RAB20: variants seen among roughly 807,000 people sequenced by gnomAD.
RAB20 encodes RAB20, member RAS oncogene family, also known as ras-related protein Rab-20.
Under a neutral mutation model 3.7 loss-of-function variants are expected in RAB20, and 2 were observed. The observed-to-expected ratio is 0.54, with a 90% confidence interval of 0.22 to 1.69. The LOEUF (loss-of-function observed/expected upper bound fraction) is 1.69. Ranked by LOEUF, RAB20 falls within the 40% of genes most tolerant of loss-of-function variation. The probability of loss-of-function intolerance (pLI) is 0.19; values close to 1 mark genes in which losing one functional copy is unlikely to be tolerated. For synonymous variants in RAB20, 126 were observed against 130.8 expected, an observed-to-expected ratio of 0.96 and a Z score of 0.25; for missense variants, 276 against 311.9, an observed-to-expected ratio of 0.88 and a Z score of 0.87.
intron 1 of RAB20, among the ~76,000 whole-genome samples, chr13:110,551,127 G>A (rs930015496): frequency 6.6e-6 from 1 of 152,122 alleles, no homozygotes; most frequent in Non-Finnish European, 1.5e-5. Flanking sequence ...ATATCACAGA[G>A]CAAAACATTA....
At chr13:110,548,376 C>T (rs943078365) in intron 1 of RAB20, among the ~76,000 whole-genome samples, 1 of 151,788 alleles carries the variant, frequency 6.6e-6, no homozygotes, top group Non-Finnish European at 1.5e-5. Context: ...CCCAGCTTCT[C>T]GGGAGGCTGA....
intron 1 of RAB20, among the ~76,000 whole-genome samples, chr13:110,527,344 C>T (rs1306758153): frequency 6.6e-6 from 1 of 151,968 alleles, no homozygotes; most frequent in Non-Finnish European, 1.5e-5. Context: ...CTGTGGTCTC[C>T]CAGGCCCCGA....
chr13:110,554,104 G>A (rs545977381), intron 1 of RAB20, among the ~76,000 whole-genome samples: 11 of 152,232 alleles, frequency 7.2e-5, no homozygotes, highest in East Asian at 1.9e-4. Context: ...AACAGACCAA[G>A]ACCTTGTCTC....
chr13:110,553,782 A>C (rs1283765007), intron 1 of RAB20, among the ~76,000 whole-genome samples: 2 of 152,192 alleles, frequency 1.3e-5, no homozygotes, highest in Non-Finnish European at 2.9e-5. Flanking sequence ...CTCCCGACTG[A>C]GGCTAAAATA....
In RAB20 at chr13:110,561,722, C is replaced by G; in HGVS notation, c.-203G>C. On this transcript the variant is annotated 5_prime_UTR_variant, in exon 1 of 2. Transcript: ENST00000267328. ...GCCCGGGAAGGAGCTGGGTGCAGAGCACGGAGCCCACGTCGGGGGCCCGGA... is the reference window on the plus strand; with the variant it reads ...GCCCGGGAAGGAGCTGGGTGCAGAGGACGGAGCCCACGTCGGGGGCCCGGA... 1 of 837,658 alleles carries G rather than the reference C, an allele frequency of 1.2e-6. No homozygotes were observed. The highest frequency in any genetic ancestry group is 1.6e-6 in the Non-Finnish European group (1 of 629,780). The allele number at this position is 837,658 out of a possible 1,614,324, so 51.9% of individuals were successfully genotyped here. A position where few individuals can be genotyped will look rare whatever the true frequency, so the allele number is the denominator to read the frequency against.
At chr13:110,551,424 G>C (rs982786466) in intron 1 of RAB20, among the ~76,000 whole-genome samples, 4 of 152,220 alleles carry the variant, frequency 2.6e-5, no homozygotes, top group African/African-American at 9.6e-5. Context: ...TCGTACATCA[G>C]GGCTCAAGTG....
intron 1 of RAB20, among the ~76,000 whole-genome samples, chr13:110,543,569 T>C (rs1884801966): frequency 6.6e-6 from 1 of 152,240 alleles, no homozygotes; most frequent in Admixed American, 6.5e-5. Context: ...CTCTTTATTC[T>C]GTTGGTTGTT....
chr13:110,548,923 C>T (rs1884901327), intron 1 of RAB20, among the ~76,000 whole-genome samples: 1 of 152,176 alleles, frequency 6.6e-6, no homozygotes, highest in African/African-American at 2.4e-5. Context: ...TGATAAATGC[C>T]TGCTGCTCTC....
chr13:110,560,788 A>G (rs977781803), intron 1 of RAB20, among the ~76,000 whole-genome samples: 1 of 151,892 alleles, frequency 6.6e-6, no homozygotes, highest in Non-Finnish European at 1.5e-5. Flanking sequence ...AACCCATATG[A>G]CGTATCTGAG....
At chr13:110,559,659 C>T (rs1381906461) in intron 1 of RAB20, among the ~76,000 whole-genome samples, 1 of 152,202 alleles carries the variant, frequency 6.6e-6, no homozygotes, top group Non-Finnish European at 1.5e-5. Context: ...GCAGCAGCCT[C>T]GGATGCCAGG....
At chr13:110,539,184 CAATT>C (rs1884709207) in intron 1 of RAB20, among the ~76,000 whole-genome samples, 1 of 152,072 alleles carries the variant, frequency 6.6e-6, no homozygotes, top group East Asian at 1.9e-4. Context: ...TAGTCTATGA[CAATT>C]AAAGGGCATT....
intron 1 of RAB20, among the ~76,000 whole-genome samples, chr13:110,535,036 G>A (rs1258384674): frequency 1.3e-5 from 2 of 152,072 alleles, no homozygotes; most frequent in Admixed American, 1.3e-4. Flanking sequence ...GTCTCACTAA[G>A]TTGCCCAGCC....
At position 110,555,912 on chromosome 13, in the gene RAB20, T is replaced by A. The variant is rs1885030934; in HGVS notation, c.172+5436A>T. 6.6e-6 allele frequency among the ~76,000 whole-genome samples: 1 copy of A among 152,174 alleles called. No homozygotes were observed. The highest frequency in any genetic ancestry group is 2.4e-5 in the African/African-American group (1 of 41,458). On this transcript the variant is annotated intron_variant, in intron 1 of 1. Transcript: ENST00000267328. The surrounding 1 kb of genome is among the most constrained non-coding windows in gnomAD (Gnocchi z 4.0). ...CCCAGCTGAGCCTCCCTCCTCCCTT[T>A]GTAACATGCCTGCTGGTGTAACCTC...
At chr13:110,558,326 T>A (rs1594141153) in intron 1 of RAB20, among the ~76,000 whole-genome samples, 1 of 151,228 alleles carries the variant, frequency 6.6e-6, no homozygotes, top group Non-Finnish European at 1.5e-5. Context: ...ACAAGGTGAG[T>A]TGGAGTTGGA....
At chr13:110,547,164 C>G (rs573480479) in intron 1 of RAB20, among the ~76,000 whole-genome samples, 23 of 152,330 alleles carry the variant, frequency 1.5e-4, no homozygotes, top group Middle Eastern at 3.4e-3. Flanking sequence ...TCACAGCGGT[C>G]TACACGGCGC....
intron 1 of RAB20, among the ~76,000 whole-genome samples, chr13:110,547,612 T>C (rs1168544848): frequency 6.6e-6 from 1 of 152,184 alleles, no homozygotes; most frequent in African/African-American, 2.4e-5. Context: ...TGAGATTAAG[T>C]GCATAAATCC....
chr13:110,531,433 G>A (rs548167152), intron 1 of RAB20, among the ~76,000 whole-genome samples: 61 of 152,350 alleles, frequency 4.0e-4, no homozygotes, highest in Middle Eastern at 3.4e-3. Context: ...ACTGCAGAGC[G>A]TTCTGGTAAA....
At chr13:110,540,536 A>G in intron 1 of RAB20, among the ~76,000 whole-genome samples, 1 of 152,178 alleles carries the variant, frequency 6.6e-6, no homozygotes, top group Non-Finnish European at 1.5e-5. Context: ...TGAGGTCAGG[A>G]GTTCGAGACC....
chr13:110,542,350 G>A (rs890703156), intron 1 of RAB20, among the ~76,000 whole-genome samples: 5 of 152,024 alleles, frequency 3.3e-5, no homozygotes, highest in African/African-American at 9.7e-5. Flanking sequence ...CACCCTCTCA[G>A]CCAATTTCAA....
Sources: gnomAD v4.1 joint callset for allele counts (sites outside exome capture counted in the v4.1 genomes callset) on GRCh38, gnomAD v4.1.1 for gene constraint, Gnocchi (gnomAD v3.1) non-coding constraint, MANE v1.5 for transcripts, NCBI Gene and HGNC (gene_info 2026-07-23, HGNC 2026-07-21) for gene names.